Variants in PTPRQ observed in about 807,000 individuals in gnomAD.
PTPRQ encodes phosphatidylinositol phosphatase PTPRQ.
Under a neutral mutation model 246.0 loss-of-function variants are expected in PTPRQ, and 199 were observed. The observed-to-expected ratio is 0.81, with a 90% confidence interval of 0.72 to 0.91. PTPRQ has a LOEUF of 0.91. PTPRQ is among the 40% of genes least tolerant of loss of function. The pLI is 0.00. For missense variants in PTPRQ, 2,624 were observed against 2,528.4 expected (o/e 1.04, Z -0.81); for synonymous variants, 869 against 853.2 (o/e 1.02, Z -0.32).
intron 25 of PTPRQ, among the ~76,000 whole-genome samples, chr12:80,556,467 T>C (rs564582580): frequency 4.6e-5 from 7 of 152,304 alleles, no homozygotes; most frequent in Admixed American, 2.0e-4. Context: ...AGTAACCTAA[T>C]TGGAAAAGGA....
chr12:80,486,165 A>G (rs1296200455), intron 9 of PTPRQ, among the ~76,000 whole-genome samples: 1 of 152,116 alleles, frequency 6.6e-6, no homozygotes, highest in Non-Finnish European at 1.5e-5. Context: ...TGAGAATTTA[A>G]TGGGTTCATG....
At chr12:80,540,308 C>T (rs969051461) in intron 20 of PTPRQ, among the ~76,000 whole-genome samples, 2 of 151,280 alleles carry the variant, frequency 1.3e-5, no homozygotes, top group African/African-American at 2.4e-5. Context: ...TCTTTTCAGA[C>T]TTTGAATCTA....
chr12:80,676,296 G>A (rs902668754), intron 43 of PTPRQ, among the ~76,000 whole-genome samples: 1 of 152,156 alleles, frequency 6.6e-6, no homozygotes, highest in Non-Finnish European at 1.5e-5. Context: ...AAAAGGCACT[G>A]AGGTGTATAG....
intron 17 of PTPRQ, among the ~76,000 whole-genome samples, chr12:80,519,470 C>T (rs184334780): frequency 4.6e-4 from 70 of 152,226 alleles, no homozygotes; most frequent in African/African-American, 1.5e-3. Flanking sequence ...AGGATGACAG[C>T]CTTCAAAGTG....
intron 3 of PTPRQ, among the ~76,000 whole-genome samples, chr12:80,451,000 T>C (rs1339545869): frequency 6.6e-6 from 1 of 152,320 alleles, no homozygotes; most frequent in Admixed American, 6.5e-5. Flanking sequence ...TGTGAATCCG[T>C]CTGGTCCTGG....
chr12:80,648,850 G>A, intron 35 of PTPRQ, 47 bp from the exon 36 acceptor site: 2 of 1,494,146 alleles, frequency 1.3e-6, no homozygotes, highest in African/African-American at 1.4e-5. Flanking sequence ...TTCAGAATTA[G>A]CTGTCCACTC....
At chr12:80,470,174 G>C (rs1893579709) in intron 7 of PTPRQ, among the ~76,000 whole-genome samples, 1 of 152,206 alleles carries the variant, frequency 6.6e-6, no homozygotes, top group Admixed American at 6.6e-5. Flanking sequence ...GAGAATTACT[G>C]GAAAGGTGTC....
chr12:80,620,088 T>C lies in PTPRQ; in HGVS notation c.5390-66T>C, dbSNP rs556131152. The stretch of plus-strand genomic sequence containing the variant: ...CCCTTATACAATTATAAAAACACTA[T>C]TTATAATTGTAAAAATATATTCATA... On this transcript the variant is annotated intron_variant, in intron 31 of 44. Coordinates refer to ENST00000644991, the MANE Select transcript of PTPRQ (RefSeq NM_001145026.2). 336 of 1,467,846 alleles carry C rather than the reference T, an allele frequency of 2.3e-4. 6 individuals carry two copies. The South Asian group carries it at 4.4e-3, about 19-fold the overall frequency. 90.9% of individuals were successfully genotyped at this position (1,467,846 alleles called of 1,614,324 possible).
chr12:80,579,562 C>G lies in PTPRQ; in HGVS notation c.4286-8567C>G, dbSNP rs561914949. On this transcript the variant is annotated intron_variant, in intron 25 of 44. Transcript: ENST00000644991. ...TTCTATTAACTAAAATATTTTTCAT[C>G]TATGTATGAAAAGGTTCTTATACAT... Among the ~76,000 whole-genome samples the G allele has an allele frequency of 4.6e-5, 7 of 152,260 alleles. No homozygotes were observed. The South Asian group carries it at 1.4e-3, about 32-fold the overall frequency.
intron 8 of PTPRQ, among the ~76,000 whole-genome samples, chr12:80,476,082 C>G (rs1472366773): frequency 1.3e-5 from 2 of 149,498 alleles, no homozygotes; most frequent in Admixed American, 1.3e-4. Context: ...TACATCAGTT[C>G]AAAATAAATG....
intron 34 of PTPRQ, among the ~76,000 whole-genome samples, chr12:80,634,337 TA>T (rs1300835941): frequency 1.3e-5 from 2 of 152,298 alleles, no homozygotes; most frequent in Middle Eastern, 3.4e-3. Context: ...AATAAGCATT[TA>T]AAGGGTTTAA....
intron 25 of PTPRQ, among the ~76,000 whole-genome samples, chr12:80,562,945 AAAT>A (rs1896871468): frequency 6.6e-6 from 1 of 152,170 alleles, no homozygotes; most frequent in Non-Finnish European, 1.5e-5. Context: ...CATAAAAAAA[AAAT>A]AAGAGAATAC....
In PTPRQ at chr12:80,495,208, A is replaced by G; in HGVS notation, c.1719A>G (p.Lys573=). ...CTTTTTAAGTGCCAAGCTCCATTAAAATTATAAACTATAAAAATATTAGTT... is the reference window on the plus strand; with the variant it reads ...CTTTTTAAGTGCCAAGCTCCATTAAGATTATAAACTATAAAAATATTAGTT... The part of the protein sequence containing the change: ...RTRQQVPSSI[K]IINYKNISSS... The change falls in exon 12 of 45, where the codon AAA becomes AAG. Residue 573 remains lysine (K), a synonymous_variant. Coordinates refer to ENST00000644991, the MANE Select transcript of PTPRQ (RefSeq NM_001145026.2). 6.5e-7 allele frequency: 1 copy of G among 1,540,310 alleles called. No individual in the cohort carries two copies. Among genetic ancestry groups the G allele is most frequent in the South Asian group, 1.2e-5 (1 of 80,720 alleles).
intron 22 of PTPRQ, 126 bp downstream of exon 22, chr12:80,542,490 T>A (rs1896185635): frequency 3.6e-6 from 5 of 1,371,776 alleles, no homozygotes; most frequent in Non-Finnish European, 4.8e-6. Context: ...TACCATTATA[T>A]TTACTTTGTT....
chr12:80,651,060 T>TA (rs1900242363), intron 37 of PTPRQ, among the ~76,000 whole-genome samples: 1 of 152,098 alleles, frequency 6.6e-6, no homozygotes, highest in Non-Finnish European at 1.5e-5. Flanking sequence ...ATAGGCATTG[T>TA]ATTTGGCACA....
At chr12:80,547,228 C>T (rs527272032) in intron 24 of PTPRQ, 1 of 153,558 alleles carries the variant, frequency 6.5e-6, no homozygotes, top group Non-Finnish European at 1.4e-5. Context: ...TGCTGTGTCA[C>T]ACATGTAGTA....
At chr12:80,477,181 C>T (rs1893837551) in intron 8 of PTPRQ, among the ~76,000 whole-genome samples, 1 of 152,002 alleles carries the variant, frequency 6.6e-6, no homozygotes, top group Non-Finnish European at 1.5e-5. Context: ...AGTGAGGGCA[C>T]CTGAAATTTG....
intron 8 of PTPRQ, among the ~76,000 whole-genome samples, chr12:80,480,336 A>G (rs1055902716): frequency 1.1e-4 from 17 of 152,162 alleles, no homozygotes; most frequent in Non-Finnish European, 2.1e-4. Context: ...TAGAACAAAG[A>G]CACAACATAC....
chr12:80,573,051 T>C (rs1897189375), intron 25 of PTPRQ, among the ~76,000 whole-genome samples: 1 of 152,208 alleles, frequency 6.6e-6, no homozygotes, highest in Non-Finnish European at 1.5e-5. Flanking sequence ...CCTCCTTTAT[T>C]TTCACAGTTA....
Sources: gnomAD v4.1 joint callset for allele counts (sites outside exome capture counted in the v4.1 genomes callset) on GRCh38, gnomAD v4.1.1 for gene constraint, MANE v1.5 for transcripts, NCBI Gene and HGNC (gene_info 2026-07-23, HGNC 2026-07-21) for gene names.